The following MIR17HG variants were observed in gnomAD, a reference collection of about 807,000 sequenced individuals.
MIR17HG encodes the protein miR-17-92a-1 cluster host gene, also known as MIR17 host gene (non-protein coding).
At chr13:91,352,909 G>A (rs900567631) in intron 3 of MIR17HG, among the ~76,000 whole-genome samples, 1 of 151,900 alleles carries the variant, frequency 6.6e-6, no homozygotes, top group Non-Finnish European at 1.5e-5. Flanking sequence ...AGGAGTTCGA[G>A]ACCAACCTGG....
chr13:91,352,083 A>T (rs531336513), intron 3 of MIR17HG: 3 of 152,402 alleles, frequency 2.0e-5, no homozygotes, highest in African/African-American at 7.2e-5. Flanking sequence ...CTCTTCCCAA[A>T]TGCCAAGAGT....
chr13:91,348,827 C>T (rs1294976249), intron 1 of MIR17HG, among the ~76,000 whole-genome samples: 1 of 149,708 alleles, frequency 6.7e-6, no homozygotes, highest in Non-Finnish European at 1.5e-5. Context: ...GACATGGCGG[C>T]GACTGCGCGC....
intron 3 of MIR17HG, chr13:91,353,849 C>G (rs1326404199): frequency 1.3e-5 from 2 of 151,310 alleles, no homozygotes; most frequent in Admixed American, 1.3e-4. Flanking sequence ...AAAGAAAGCA[C>G]TTAACATTTT....
intron 3 of MIR17HG, chr13:91,353,889 T>C (rs1875446175): frequency 6.6e-6 from 1 of 152,112 alleles, no homozygotes; most frequent in Admixed American, 6.6e-5. Flanking sequence ...GCTTGCAAAG[T>C]GTTGGTGATT....
intron 3 of MIR17HG, among the ~76,000 whole-genome samples, chr13:91,353,269 T>A (rs1349205637): frequency 2.0e-5 from 3 of 152,186 alleles, no homozygotes; most frequent in African/African-American, 7.2e-5. Context: ...TTCTAAAATG[T>A]AAGTCAAATA....
At chr13:91,351,532 A>G (rs1204783062) in intron 3 of MIR17HG, 1 of 354,052 alleles carries the variant, frequency 2.8e-6, no homozygotes. Flanking sequence ...TTTTCATTCA[A>G]AAACATTTCA....
intron 1 of MIR17HG, among the ~76,000 whole-genome samples, chr13:91,349,103 C>T (rs1184638337): frequency 6.6e-6 from 1 of 151,950 alleles, no homozygotes; most frequent in East Asian, 1.9e-4. Flanking sequence ...ATCGCAGGGC[C>T]GCGCTCCCCC....
intron 2 of MIR17HG, chr13:91,350,072 A>G (rs571004108): frequency 1.7e-4 from 26 of 155,722 alleles, no homozygotes; most frequent in Non-Finnish European, 2.3e-4. Context: ...ATAGATTTAA[A>G]CAGGATATTT....
intron 3 of MIR17HG, chr13:91,351,658 T>G (rs1875321612): frequency 4.0e-6 from 1 of 250,598 alleles, no homozygotes; most frequent in Non-Finnish European, 8.4e-6. Flanking sequence ...TACCTGATGA[T>G]CATCTGTAAA....
intron 1 of MIR17HG, among the ~76,000 whole-genome samples, chr13:91,348,863 C>T (rs1460721733): frequency 6.7e-5 from 10 of 149,162 alleles, no homozygotes; most frequent in Admixed American, 2.7e-4. Flanking sequence ...CCGGCTTAGG[C>T]CTCGGGCCGC....
At chr13:91,352,199 G>A (rs1875349876) in intron 3 of MIR17HG, 1 of 152,160 alleles carries the variant, frequency 6.6e-6, no homozygotes, top group African/African-American at 2.4e-5. Context: ...AGTGATAGTT[G>A]ATTCCAGGCT....
intron 3 of MIR17HG, among the ~76,000 whole-genome samples, chr13:91,353,760 G>A (rs1464954693): frequency 6.6e-6 from 1 of 150,576 alleles, no homozygotes. Context: ...TAACTATTTG[G>A]AGGGGAAAAA....
intron 1 of MIR17HG, among the ~76,000 whole-genome samples, chr13:91,349,319 C>T (rs552690809): frequency 1.3e-5 from 2 of 152,050 alleles, no homozygotes; most frequent in African/African-American, 2.4e-5. Context: ...AACTCTTTAT[C>T]CCGGCTTGCA....
chr13:91,347,726 C>G (rs1463396297), upstream of MIR17HG: 2 of 153,086 alleles, frequency 1.3e-5, no homozygotes, highest in Non-Finnish European at 2.9e-5. Flanking sequence ...CCGCCGCCGC[C>G]CGACCTGCGC....
intron 1 of MIR17HG, chr13:91,348,077 G>C (rs1391168095): frequency 6.8e-6 from 1 of 147,404 alleles, no homozygotes; most frequent in Non-Finnish European, 1.5e-5. Context: ...CGGCGGCGGC[G>C]TGGCCGGGGC....
intron 3 of MIR17HG, chr13:91,350,802 C>T (rs1172339251): frequency 1.9e-6 from 1 of 534,722 alleles, no homozygotes; most frequent in South Asian, 1.4e-5. Flanking sequence ...CATCTACTGC[C>T]CTAAGTGCTC....
chr13:91,350,490 G>A, intron 3 of MIR17HG: 1 of 481,804 alleles, frequency 2.1e-6, no homozygotes, highest in Non-Finnish European at 4.3e-6. Context: ...TAGGGATTAT[G>A]CTGAATTTGT....
chr13:91,352,235 G>A lies in MIR17HG; in HGVS notation n.285-1698G>A, dbSNP rs928113668. The A allele has an allele frequency of 2.0e-5, 3 of 152,164 alleles. No homozygotes were observed. The East Asian group carries it at 5.8e-4, about 29-fold the overall frequency. 9.4% of individuals were successfully genotyped at this position (152,164 alleles called of 1,614,324 possible). A position where few individuals can be genotyped will look rare whatever the true frequency, so the allele number is the denominator to read the frequency against. Reference sequence around the variant, plus strand: ...TATTTGACTTAAAGTCACTGAAGTGGAAACTAAGAAGTGGCAGTTAGTGTT... The same window carrying A: ...TATTTGACTTAAAGTCACTGAAGTGAAAACTAAGAAGTGGCAGTTAGTGTT... On this transcript the variant is annotated intron_variant and non_coding_transcript_variant, in intron 3 of 3. Coordinates refer to ENST00000400282, the Ensembl canonical transcript of MIR17HG.
intron 1 of MIR17HG, chr13:91,349,570 C>T (rs192611940): frequency 2.0e-5 from 3 of 152,338 alleles, no homozygotes; most frequent in East Asian, 3.9e-4. Context: ...TCGACTCTTA[C>T]TCTCACAAAT....
Sources: gnomAD v4.1 joint callset for allele counts (sites outside exome capture counted in the v4.1 genomes callset) on GRCh38, gnomAD v4.1.1 for gene constraint, MANE v1.5 for transcripts, NCBI Gene and HGNC (gene_info 2026-07-23, HGNC 2026-07-21) for gene names.